The following XRCC4 variants were observed in gnomAD, a reference collection of about 807,000 sequenced individuals.
XRCC4 encodes the protein DNA repair protein XRCC4.
Under a neutral mutation model 39.1 loss-of-function variants are expected in XRCC4, and 28 were observed. That is an observed-to-expected ratio of 0.72 (90% confidence interval 0.53 to 0.98). The LOEUF (loss-of-function observed/expected upper bound fraction) is 0.98, where lower values mean the gene tolerates loss of function less well. XRCC4 is among the 50% of genes least tolerant of loss of function. The pLI is 0.00. For synonymous variants in XRCC4, 123 were observed against 126.4 expected, an observed-to-expected ratio of 0.97 and a Z score of 0.18; for missense variants, 350 against 376.4, an observed-to-expected ratio of 0.93 and a Z score of 0.58.
At chr5:83,259,433 G>C (rs1561438272) in intron 7 of XRCC4, 1 of 151,960 alleles carries the variant, frequency 6.6e-6, no homozygotes, top group Non-Finnish European at 1.5e-5. Context: ...ATGGAATGAG[G>C]GTACCTGGGG....
At chr5:83,253,713 T>C (rs1050211883) in intron 6 of XRCC4, among the ~76,000 whole-genome samples, 4 of 152,176 alleles carry the variant, frequency 2.6e-5, no homozygotes, top group Non-Finnish European at 5.9e-5. Flanking sequence ...AAATGATTTA[T>C]AAAAATAATG....
At chr5:83,206,368 G>A (rs1580369967) in intron 6 of XRCC4, among the ~76,000 whole-genome samples, 1 of 152,112 alleles carries the variant, frequency 6.6e-6, no homozygotes, top group East Asian at 1.9e-4. Context: ...CTGATGAAGG[G>A]GTTATGACTG....
chr5:83,373,152 A>T, the XRCC4 span, among the ~76,000 whole-genome samples: 2 of 151,930 alleles, frequency 1.3e-5, no homozygotes, highest in Non-Finnish European at 2.9e-5. Context: ...CCATGCCCTG[A>T]GCCCCACTAG....
intron 7 of XRCC4, among the ~76,000 whole-genome samples, chr5:83,305,138 A>G (rs190582419): frequency 1.5e-3 from 221 of 152,226 alleles, no homozygotes; most frequent in African/African-American, 5.1e-3. Flanking sequence ...TAGATTTACA[A>G]AAAAGTTGAG....
At chr5:83,263,041 G>A (rs572055803) in intron 7 of XRCC4, among the ~76,000 whole-genome samples, 19 of 133,096 alleles carry the variant, frequency 1.4e-4, no homozygotes, top group Admixed American at 1.2e-3. Context: ...TCCCCTTCCT[G>A]TGTCCATGTG....
chr5:83,363,861 A>G, the XRCC4 span, among the ~76,000 whole-genome samples: 9 of 152,212 alleles, frequency 5.9e-5, no homozygotes, highest in Non-Finnish European at 1.0e-4. Context: ...ATACCTTGAA[A>G]GTAATTGCTG....
chr5:83,167,970 TA>T (rs1300179646), intron 3 of XRCC4, among the ~76,000 whole-genome samples: 1 of 152,160 alleles, frequency 6.6e-6, no homozygotes, highest in Non-Finnish European at 1.5e-5. Context: ...TTGAAGTAAT[TA>T]AGCAGATTTT....
At chr5:83,167,271 C>T (rs1172473478) in intron 3 of XRCC4, among the ~76,000 whole-genome samples, 1 of 151,488 alleles carries the variant, frequency 6.6e-6, no homozygotes, top group African/African-American at 2.4e-5. Context: ...TTATAAATTC[C>T]AAGTGGACAG....
chr5:83,163,633 C>T (rs1276572690), intron 3 of XRCC4, among the ~76,000 whole-genome samples: 3 of 152,140 alleles, frequency 2.0e-5, no homozygotes, highest in Non-Finnish European at 2.9e-5. Context: ...GCAACTCCTA[C>T]GAGTCTATGA....
At chr5:83,243,121 G>A (rs1203658692) in intron 6 of XRCC4, among the ~76,000 whole-genome samples, 1 of 152,166 alleles carries the variant, frequency 6.6e-6, no homozygotes, top group Non-Finnish European at 1.5e-5. Flanking sequence ...GCGGTAGTTG[G>A]TAAATGTTCT....
At chr5:83,162,081 G>A (rs1345236130) in intron 3 of XRCC4, among the ~76,000 whole-genome samples, 1 of 152,066 alleles carries the variant, frequency 6.6e-6, no homozygotes, top group Admixed American at 6.6e-5. Flanking sequence ...GCAGGAGTGT[G>A]GCATGAACCC....
chr5:83,230,522 A>G (rs1214240721), intron 6 of XRCC4, among the ~76,000 whole-genome samples: 1 of 152,074 alleles, frequency 6.6e-6, no homozygotes, highest in African/African-American at 2.4e-5. Flanking sequence ...TCTTTTTAAA[A>G]TTTAATTTTT....
chr5:83,268,495 G>A lies in XRCC4; in HGVS notation c.893+9818G>A, dbSNP rs572402077. Among the ~76,000 whole-genome samples, 15 of 152,044 alleles carry A rather than the reference G, an allele frequency of 9.9e-5. 1 individual carries two copies. The South Asian group carries it at 2.7e-3, about 27-fold the overall frequency. On this transcript the variant is annotated intron_variant, in intron 7 of 7. Coordinates refer to ENST00000396027, the MANE Select transcript of XRCC4 (RefSeq NM_003401.5). ...ATTTATTTCATTTTTGAACTTAATT[G>A]CACCTATAAGTAATTTATCAGCAAG...
rs553650610 is a variant in XRCC4, at chr5:83,289,250, G to T, written c.893+30573G>T. 2.2e-4 allele frequency among the ~76,000 whole-genome samples: 34 copies of T among 151,874 alleles called. 2 individuals are homozygous for T. The highest frequency in any genetic ancestry group is 8.2e-4 in the African/African-American group (34 of 41,458). ...ACCGTGTCTGATGACTTGAACATCT[G>T]TGTCATATTTGAGTATGGTTTTGAT... On this transcript the variant is annotated intron_variant, in intron 7 of 7. Transcript: ENST00000396027.
chr5:83,196,956 G>T (rs1420001350), intron 4 of XRCC4, among the ~76,000 whole-genome samples: 2 of 151,612 alleles, frequency 1.3e-5, no homozygotes, highest in African/African-American at 4.8e-5. Flanking sequence ...CTGACTAAAA[G>T]ATTATTTTTC....
intron 6 of XRCC4, among the ~76,000 whole-genome samples, chr5:83,206,835 C>T (rs909268456): frequency 6.6e-6 from 1 of 151,880 alleles, no homozygotes; most frequent in African/African-American, 2.4e-5. Context: ...TTAGTTTAGC[C>T]AGGAGCATAG....
At chr5:83,146,650 A>C (rs964223123) in intron 3 of XRCC4, among the ~76,000 whole-genome samples, 1 of 152,228 alleles carries the variant, frequency 6.6e-6, no homozygotes, top group African/African-American at 2.4e-5. Context: ...CACCAAGCAT[A>C]GTGCCTGGCA....
At chr5:83,371,308 A>T in the XRCC4 span, among the ~76,000 whole-genome samples, 1 of 152,142 alleles carries the variant, frequency 6.6e-6, no homozygotes, top group Non-Finnish European at 1.5e-5. Flanking sequence ...TCACTAGAAC[A>T]CTTAGCACAT....
intron 6 of XRCC4, among the ~76,000 whole-genome samples, chr5:83,250,804 T>G (rs568344496): frequency 6.6e-6 from 1 of 152,324 alleles, no homozygotes; most frequent in South Asian, 2.1e-4. Context: ...AAAAAGCATC[T>G]ATATAAGAAG....
Sources: gnomAD v4.1 joint callset for allele counts (sites outside exome capture counted in the v4.1 genomes callset) on GRCh38, gnomAD v4.1.1 for gene constraint, MANE v1.5 for transcripts, NCBI Gene and HGNC (gene_info 2026-07-23, HGNC 2026-07-21) for gene names.